The following WDR7 variants were observed in gnomAD, a reference collection of about 807,000 sequenced individuals.
The protein encoded by WDR7 is WD repeat-containing protein 7.
A neutral mutation model predicts 169.4 loss-of-function variants in WDR7; 46 were observed. The observed-to-expected ratio is 0.27, with a 90% CI of 0.21 to 0.35. WDR7 has a LOEUF of 0.35. WDR7 is among the 10% of genes least tolerant of loss of function. The pLI is 1.00. For synonymous variants in WDR7, 612 were observed against 666.8 expected (o/e 0.92, Z 1.27); for missense variants, 1,534 against 1,859.3 (o/e 0.83, Z 3.22).
At chr18:56,775,094 T>C (rs184787179) in intron 16 of WDR7, among the ~76,000 whole-genome samples, 1 of 152,246 alleles carries the variant, frequency 6.6e-6, no homozygotes, top group African/African-American at 2.4e-5. Flanking sequence ...TCCCACGACT[T>C]ATTTGACTTG....
At chr18:56,794,983 C>T (rs1293778405) in intron 19 of WDR7, among the ~76,000 whole-genome samples, 1 of 152,196 alleles carries the variant, frequency 6.6e-6, no homozygotes, top group Admixed American at 6.5e-5. Flanking sequence ...ATTCCTTCCT[C>T]ATTTGTTAGC....
At chr18:56,932,874 G>GGTGTGT (rs34838445) in intron 22 of WDR7, among the ~76,000 whole-genome samples, 136 of 131,988 alleles carry the variant, frequency 1.0e-3, no homozygotes, top group African/African-American at 3.7e-3. Context: ...CTTCATTCTG[G>GGTGTGT]GTGTGTGTGT....
In WDR7 at chr18:56,974,362, C is replaced by CTTTTT. The variant is rs34901751; in HGVS notation, c.4164+11848_4164+11852dup. Among the ~76,000 whole-genome samples the CTTTTT allele has an allele frequency of 2.0e-3, 218 of 111,782 alleles. 7 individuals carry two copies. Among genetic ancestry groups the CTTTTT allele is most frequent in the Middle Eastern group, 8.9e-3 (2 of 224 alleles). The allele number at this position is 111,782 out of a possible 152,430, so 73.3% of individuals were successfully genotyped here. A position where few individuals can be genotyped will look rare whatever the true frequency, so the allele number is the denominator to read the frequency against. On this transcript the variant is annotated intron_variant, in intron 26 of 27. Transcript: ENST00000254442. ...CCTTTTCCTTTCTTTGCTTTTCTTG[C>CTTTTT]TTTTTTTTTTTTTTTTTTTGAGATG...
At chr18:56,684,895 C>T (rs480044) in intron 5 of WDR7, among the ~76,000 whole-genome samples, 139,114 of 152,194 alleles carry the variant, frequency 0.91, 64,767 homozygotes, top group Non-Finnish European at 1. Context: ...ATGAGATTTG[C>T]GTTAATTTTC....
At chr18:57,002,926 G>A (rs534120519) in intron 26 of WDR7, among the ~76,000 whole-genome samples, 9 of 152,162 alleles carry the variant, frequency 5.9e-5, no homozygotes, top group Non-Finnish European at 7.3e-5. Flanking sequence ...GTCCTTGAGT[G>A]TGCAGCCATC....
In WDR7 at chr18:56,686,847, C is replaced by CTG. The variant is rs72536218; in HGVS notation, c.598-7_598-6insGT. 6.3e-7 allele frequency: 1 copy of CTG among 1,585,000 alleles called. No homozygotes were observed. The highest frequency in any genetic ancestry group is 1.7e-5 in the Admixed American group (1 of 57,448). On this transcript the variant is annotated splice_polypyrimidine_tract_variant and splice_region_variant and intron_variant, in intron 6 of 27. Coordinates refer to ENST00000254442, the MANE Select transcript of WDR7 (RefSeq NM_015285.3). The stretch of plus-strand genomic sequence containing the variant: ...TATTCCTAAATTTTTACAAATCTTT[C>CTG]TTTTCAGGATACTGAGCCAATATTT...
chr18:56,665,306 AAAG>A (rs1555674547), intron 1 of WDR7, among the ~76,000 whole-genome samples: 6 of 133,376 alleles, frequency 4.5e-5, no homozygotes, highest in African/African-American at 1.6e-4. Context: ...AAAAAAAAAA[AAAG>A]AAGAAGAAGA....
At chr18:56,932,877 GTGT>G (rs879365364) in intron 22 of WDR7, among the ~76,000 whole-genome samples, 5,069 of 59,506 alleles carry the variant, frequency 0.085, 308 homozygotes, top group African/African-American at 0.15. Context: ...CATTCTGGGT[GTGT>G]GTGTGTGTGT....
intron 16 of WDR7, among the ~76,000 whole-genome samples, chr18:56,769,356 T>C (rs1471186557): frequency 6.6e-6 from 1 of 152,076 alleles, no homozygotes; most frequent in Non-Finnish European, 1.5e-5. Flanking sequence ...AAGGCCACCA[T>C]GCCCAGTTAA....
At chr18:56,869,585 T>C (rs546339951) in intron 20 of WDR7, among the ~76,000 whole-genome samples, 1 of 152,304 alleles carries the variant, frequency 6.6e-6, no homozygotes, top group African/African-American at 2.4e-5. Flanking sequence ...TCTATGCCGC[T>C]AACACAAGAT....
chr18:56,693,819 G>A (rs2025634790), intron 9 of WDR7, among the ~76,000 whole-genome samples: 2 of 151,882 alleles, frequency 1.3e-5, no homozygotes, highest in Admixed American at 6.6e-5. Context: ...TGATCTGCCC[G>A]CTGCAGCCTC....
chr18:56,852,123 AACCCTGTTCCC>A, intron 20 of WDR7, among the ~76,000 whole-genome samples: 1 of 152,234 alleles, frequency 6.6e-6, no homozygotes, highest in East Asian at 1.9e-4. Context: ...ATTCTTCTCC[AACCCTGTTCCC>A]ACCCTGTATC....
intron 21 of WDR7, among the ~76,000 whole-genome samples, chr18:56,885,412 T>C (rs2046173408): frequency 6.6e-6 from 1 of 152,002 alleles, no homozygotes; most frequent in South Asian, 2.1e-4. Flanking sequence ...GGGAAAAATC[T>C]TCAGTGAAAC....
At chr18:57,001,691 C>T (rs142552105) in intron 26 of WDR7, among the ~76,000 whole-genome samples, 1 of 152,280 alleles carries the variant, frequency 6.6e-6, no homozygotes, top group Admixed American at 6.5e-5. Flanking sequence ...CCTTCTGCCC[C>T]TTTGCAGTCA....
intron 26 of WDR7, among the ~76,000 whole-genome samples, chr18:56,985,519 A>G (rs1161219332): frequency 6.6e-6 from 1 of 152,126 alleles, no homozygotes; most frequent in African/African-American, 2.4e-5. Flanking sequence ...CTAATTTGCC[A>G]TTCTCAAAAT....
intron 21 of WDR7, among the ~76,000 whole-genome samples, chr18:56,913,960 C>T (rs750327452): frequency 6.6e-6 from 1 of 152,166 alleles, no homozygotes; most frequent in Non-Finnish European, 1.5e-5. Context: ...CAGGACCCAG[C>T]TGCTTTCAAG....
chr18:56,655,990 C>T (rs1323582630), intron 1 of WDR7, among the ~76,000 whole-genome samples: 3 of 152,172 alleles, frequency 2.0e-5, no homozygotes, highest in Non-Finnish European at 4.4e-5. Flanking sequence ...TAACCATTCA[C>T]CTGCATATCT....
rs140089798 is a variant in WDR7 at position 56,939,371 on chromosome 18, G to C, written c.4042G>C (p.Glu1348Gln). 8.9e-4 allele frequency: 1,400 copies of C among 1,576,794 alleles called. 6 individuals carry two copies. Among genetic ancestry groups the C allele is most frequent in the Non-Finnish European group, 6.8e-4 (783 of 1,159,526 alleles). Reference protein sequence around the residue: ...GSLVKKKGLQECFPAICRFYM... With the variant: ...GSLVKKKGLQQCFPAICRFYM... Reference sequence around the variant, plus strand: ...TTTAGTTAAAAAGAAAGGTCTTCAAGAATGTTTCCCAGCCATCTGCAGGTA... The same window carrying C: ...TTTAGTTAAAAAGAAAGGTCTTCAACAATGTTTCCCAGCCATCTGCAGGTA... The change falls in exon 25 of 28, where the codon GAA becomes CAA. Residue 1348 changes from glutamate to glutamine, a missense_variant. By Grantham distance (29) the Glu-to-Gln change is conservative. Transcript: ENST00000254442.
intron 14 of WDR7, among the ~76,000 whole-genome samples, chr18:56,734,706 A>AT (rs942850502): frequency 6.4e-4 from 97 of 151,538 alleles, no homozygotes; most frequent in Non-Finnish European, 1.3e-3. Context: ...TTATGCTCAC[A>AT]TTTTTTTTGT....
Sources: gnomAD v4.1 joint callset for allele counts (sites outside exome capture counted in the v4.1 genomes callset) on GRCh38, gnomAD v4.1.1 for gene constraint, MANE v1.5 for transcripts, NCBI Gene and HGNC (gene_info 2026-07-23, HGNC 2026-07-21) for gene names.